The following FAM174B variants were observed in gnomAD, a reference collection of about 807,000 sequenced individuals.
FAM174B encodes the protein family with sequence similarity 174 member B.
A neutral mutation model predicts 10.9 loss-of-function variants in FAM174B; 12 were observed. That is an observed-to-expected ratio of 1.10 (90% CI 0.71 to 1.79). FAM174B has a LOEUF of 1.79. Among genes scored for constraint, FAM174B ranks in the 40% most tolerant of loss-of-function variants. The probability of loss-of-function intolerance (pLI) is 0.00; values close to 1 mark genes in which losing one functional copy is unlikely to be tolerated. For synonymous variants in FAM174B, 132 were observed against 115.8 expected (o/e 1.14, Z -0.90); for missense variants, 266 against 233.3 (o/e 1.14, Z -0.91).
chr15:92,647,684 T>C (rs921839877), intron 1 of FAM174B, among the ~76,000 whole-genome samples: 3 of 152,314 alleles, frequency 2.0e-5, no homozygotes, highest in Middle Eastern at 3.4e-3. Flanking sequence ...TAGCATCACA[T>C]GACAGACAGC....
chr15:92,630,321 T>C lies in FAM174B; in HGVS notation c.369A>G (p.Thr123=), dbSNP rs1567044368. 4 of 1,613,534 alleles carry C rather than the reference T, an allele frequency of 2.5e-6. No homozygotes were observed. Among genetic ancestry groups the C allele is most frequent in the South Asian group, 1.1e-5 (1 of 90,998 alleles). Residue 123 remains threonine (T), a synonymous_variant, in exon 2 of 3, where the codon ACA becomes ACG. Transcript: ENST00000327355. ...GAGTGGTGATGATATCATACTTGCG[T>C]GTCTTCTTTAACCTCTTTCCCGACC... ...VFRSGKRLKK[T]RKYDIITTPA... is the part of the protein sequence containing the mutation.
intron 2 of FAM174B, among the ~76,000 whole-genome samples, chr15:92,623,158 A>AC (rs1414370097): frequency 1.4e-5 from 2 of 148,056 alleles, no homozygotes; most frequent in African/African-American, 4.9e-5. Context: ...CTCCATCTCA[A>AC]AAAAAAAAAA....
chr15:92,623,022 G>A (rs1248705457), intron 2 of FAM174B, among the ~76,000 whole-genome samples: 1 of 152,104 alleles, frequency 6.6e-6, no homozygotes, highest in Non-Finnish European at 1.5e-5. Flanking sequence ...TGGGCGTGGT[G>A]GCAGGCGCCT....
chr15:92,631,400 T>TTATATAATATATTATATATAATATATTA (rs1555421158), intron 1 of FAM174B, among the ~76,000 whole-genome samples: 1 of 31,440 alleles, frequency 3.2e-5, no homozygotes, highest in Non-Finnish European at 5.1e-5. Context: ...ATATATTATA[T>TTATATAATATATTATATATAATATATTA]TATATTATAT....
intron 1 of FAM174B, among the ~76,000 whole-genome samples, chr15:92,641,815 G>A (rs1466246273): frequency 6.6e-6 from 1 of 151,848 alleles, no homozygotes; most frequent in Non-Finnish European, 1.5e-5. Flanking sequence ...TAGATAAATT[G>A]GACTCATCAA....
chr15:92,647,931 A>G (rs943188697), intron 1 of FAM174B, among the ~76,000 whole-genome samples: 18 of 152,298 alleles, frequency 1.2e-4, no homozygotes, highest in Admixed American at 5.9e-4. Flanking sequence ...CTTCATCTAC[A>G]TAACAAGAAC....
chr15:92,655,379 G>A lies in FAM174B; in HGVS notation c.281C>T (p.Ala94Val). The A allele has an allele frequency of 1.3e-6, 2 of 1,592,752 alleles. No homozygotes were observed. The highest frequency in any genetic ancestry group is 2.4e-5 in the East Asian group (1 of 41,754). The change falls in exon 1 of 3, where the codon GCC becomes GTC. Residue 94 changes from alanine to valine, a missense_variant. Ala to Val is a moderately conservative substitution (Grantham distance 64). Transcript: ENST00000327355. ...GGTAAAGGCGAACGCCACGATCACGGCTGCCTTGAGGGTGGGTAGGTCGCG... is the reference window on the plus strand; with the variant it reads ...GGTAAAGGCGAACGCCACGATCACGACTGCCTTGAGGGTGGGTAGGTCGCG... ...LLRDLPTLKA[A>V]VIVAFAFTTL... is the part of the protein sequence containing the mutation.
At chr15:92,642,741 A>G (rs1189346550) in intron 1 of FAM174B, among the ~76,000 whole-genome samples, 1 of 152,198 alleles carries the variant, frequency 6.6e-6, no homozygotes, top group East Asian at 1.9e-4. Context: ...TAAATTTCCC[A>G]GTCTCAGGCA....
At chr15:92,627,346 C>G in intron 2 of FAM174B, 1 of 169,912 alleles carries the variant, frequency 5.9e-6, no homozygotes, top group East Asian at 1.9e-4. Flanking sequence ...ATATGGCAGT[C>G]ATTGTCAGCC....
Position 92,619,462 on chromosome 15 carries a change from A to G in FAM174B, c.477-3T>C. 6.2e-7 allele frequency: 1 copy of G among 1,613,760 alleles called. No homozygotes were observed. Among genetic ancestry groups the G allele is most frequent in the Middle Eastern group, 1.7e-4 (1 of 6,036 alleles). On this transcript the variant is annotated splice_region_variant and splice_polypyrimidine_tract_variant and intron_variant, in intron 2 of 2. Transcript: ENST00000327355. ...CCAGGCTGGGAAACAGGTTTTACCT[A>G]AAAGAAAGGGAAGGACAAGAGTAAG...
chr15:92,619,178 G>A lies in FAM174B; in HGVS notation c.*278C>T, dbSNP rs1414868196. 1.4e-6 allele frequency: 1 copy of A among 702,154 alleles called. No individual in the cohort carries two copies. The highest frequency in any genetic ancestry group is 2.0e-5 in the Admixed American group (1 of 49,996). 43.5% of individuals were successfully genotyped at this position (702,154 alleles called of 1,614,324 possible). A position where few individuals can be genotyped will look rare whatever the true frequency, so the allele number is the denominator to read the frequency against. ...TTTCTACCCTTTGCTCCTTAGCAAG[G>A]CACAAAGCCTCTTACATGGGGAGTA... On this transcript the variant is annotated 3_prime_UTR_variant, in exon 3 of 3. Coordinates refer to ENST00000327355, the MANE Select transcript of FAM174B (RefSeq NM_207446.3).
chr15:92,634,054 G>A (rs1174315055), intron 1 of FAM174B, among the ~76,000 whole-genome samples: 6 of 152,198 alleles, frequency 3.9e-5, no homozygotes, highest in African/African-American at 7.2e-5. Flanking sequence ...GACAAGTTGC[G>A]GCTGTCTGGG....
At position 92,655,494 on chromosome 15, in the gene FAM174B, GGGT is replaced by G. The variant is rs1567052461; in HGVS notation, c.163_165del (p.Thr55del). 1 of 1,528,660 alleles carries G rather than the reference GGGT, an allele frequency of 6.5e-7. No homozygotes were observed. The highest frequency in any genetic ancestry group is 2.7e-5 in the East Asian group (1 of 36,724). The allele number at this position is 1,528,660 out of a possible 1,614,324, so 94.7% of individuals were successfully genotyped here. A position where few individuals can be genotyped will look rare whatever the true frequency, so the allele number is the denominator to read the frequency against. On this transcript the variant is annotated inframe_deletion, in exon 1 of 3. Coordinates refer to ENST00000327355, the MANE Select transcript of FAM174B (RefSeq NM_207446.3). ...CCGCCCGCCGCCCCAGACCCAAACC[GGGT>G]GGTGTTCCCGGGCCCCGGGCCGGGC...
intron 2 of FAM174B, among the ~76,000 whole-genome samples, chr15:92,628,028 G>A (rs939963570): frequency 1.3e-4 from 20 of 152,144 alleles, no homozygotes; most frequent in African/African-American, 4.3e-4. Flanking sequence ...TGTAGTATTT[G>A]CGTGTATCCT....
chr15:92,638,389 T>C (rs549918374), intron 1 of FAM174B, among the ~76,000 whole-genome samples: 1 of 152,314 alleles, frequency 6.6e-6, no homozygotes, highest in African/African-American at 2.4e-5. Context: ...AGAAACAGGT[T>C]TCGTGTGAGT....
Position 92,648,481 on chromosome 15 carries a change from G to A in FAM174B, c.344+6835C>T, listed in dbSNP as rs1258646486. On this transcript the variant is annotated intron_variant, in intron 1 of 2. Coordinates refer to ENST00000327355, the MANE Select transcript of FAM174B (RefSeq NM_207446.3). ...CTGGGTTCAGTGTTGGGGAGACCTC[G>A]CTGGACAGGGCCAAACTCAGCCCAC... Among the ~76,000 whole-genome samples the A allele has an allele frequency of 6.6e-5, 10 of 152,256 alleles. No individual in the cohort carries two copies. The East Asian group carries it at 1.4e-3, about 21-fold the overall frequency.
At chr15:92,635,083 T>C (rs1199619341) in intron 1 of FAM174B, among the ~76,000 whole-genome samples, 1 of 151,366 alleles carries the variant, frequency 6.6e-6, no homozygotes, top group Non-Finnish European at 1.5e-5. Context: ...CATCAGCTGA[T>C]TCCTTACGAT....
At chr15:92,637,537 T>A (rs1239384084) in intron 1 of FAM174B, among the ~76,000 whole-genome samples, 1 of 152,206 alleles carries the variant, frequency 6.6e-6, no homozygotes, top group Non-Finnish European at 1.5e-5. Context: ...TCACAACACC[T>A]TCCTGGGGCT....
chr15:92,620,759 G>A (rs2050713889), intron 2 of FAM174B, among the ~76,000 whole-genome samples: 1 of 139,850 alleles, frequency 7.2e-6, no homozygotes, highest in South Asian at 2.4e-4. Context: ...AGGTTGCAGT[G>A]AGCTGAGATG....
Sources: allele counts gnomAD v4.1 joint callset (sites outside exome capture counted in the v4.1 genomes callset), GRCh38; gene constraint gnomAD v4.1.1; transcripts MANE v1.5; gene names NCBI Gene and HGNC (gene_info 2026-07-23, HGNC 2026-07-21).